The following DAB1 variants were observed in gnomAD, a reference collection of about 807,000 sequenced individuals.
DAB1 encodes DAB adaptor protein 1, also known as disabled homolog 1.
Under a neutral mutation model 64.6 loss-of-function variants are expected in DAB1, and 15 were observed. The ratio of observed to expected loss-of-function variants is 0.23; its 90% CI spans 0.16 to 0.36. DAB1 has a LOEUF of 0.36. Ranked by LOEUF, DAB1 falls within the 10% of genes least tolerant of loss-of-function variation. The probability of loss-of-function intolerance (pLI) is 1.00; values close to 1 mark genes in which losing one functional copy is unlikely to be tolerated. For synonymous variants in DAB1, 235 were observed against 251.9 expected (o/e 0.93, Z 0.64); for missense variants, 596 against 706.7 (o/e 0.84, Z 1.78).
intron 1 of DAB1, among the ~76,000 whole-genome samples, chr1:57,371,802 G>A (rs1680517884): frequency 6.6e-6 from 1 of 152,182 alleles, no homozygotes; most frequent in African/African-American, 2.4e-5. Context: ...TCAACCAGGG[G>A]CTACTTTACA....
chr1:57,220,031 T>A (rs894644074), intron 2 of DAB1, among the ~76,000 whole-genome samples: 7 of 152,174 alleles, frequency 4.6e-5, no homozygotes, highest in African/African-American at 1.7e-4. Flanking sequence ...TGAGGGAAGA[T>A]CTCACAAGGC....
chr1:57,296,742 G>C (rs1673225840), intron 1 of DAB1, among the ~76,000 whole-genome samples: 1 of 152,120 alleles, frequency 6.6e-6, no homozygotes, highest in Admixed American at 6.5e-5. Context: ...AAGAATGGAA[G>C]GCTGTCTTGC....
At chr1:57,263,184 C>T (rs1241172397) in intron 2 of DAB1, among the ~76,000 whole-genome samples, 4 of 151,456 alleles carry the variant, frequency 2.6e-5, no homozygotes, top group South Asian at 2.1e-4. Flanking sequence ...GGCACAATCT[C>T]GGCTCACTGC....
chr1:57,974,462 A>G (rs1303783808), intron 5 of DAB1, among the ~76,000 whole-genome samples: 2 of 152,128 alleles, frequency 1.3e-5, no homozygotes, highest in Admixed American at 6.6e-5. Context: ...AATTTAATGA[A>G]TGGCTCTCAA....
intron 6 of DAB1, among the ~76,000 whole-genome samples, chr1:57,675,351 A>G (rs924508716): frequency 9.9e-5 from 15 of 152,220 alleles, no homozygotes; most frequent in African/African-American, 3.6e-4. Flanking sequence ...CTAACATAGA[A>G]ACAGCACAGT....
At chr1:57,522,155 G>A (rs1644535616) in intron 7 of DAB1, among the ~76,000 whole-genome samples, 2 of 152,136 alleles carry the variant, frequency 1.3e-5, no homozygotes, top group Middle Eastern at 3.4e-3. Flanking sequence ...AGAAAGAGCT[G>A]GTATTTGGAG....
intron 7 of DAB1, among the ~76,000 whole-genome samples, chr1:57,630,396 C>G (rs1196344844): frequency 1.3e-5 from 2 of 152,154 alleles, no homozygotes; most frequent in African/African-American, 4.8e-5. Context: ...CGATAACCCT[C>G]ACCTCGGGAA....
At chr1:57,236,845 C>G (rs1668121702) in intron 2 of DAB1, among the ~76,000 whole-genome samples, 1 of 152,122 alleles carries the variant, frequency 6.6e-6, no homozygotes, top group Non-Finnish European at 1.5e-5. Flanking sequence ...CGAGAGAATG[C>G]GGAGGAGGCA....
intron 4 of DAB1, among the ~76,000 whole-genome samples, chr1:57,074,089 C>T (rs1408116283): frequency 2.0e-5 from 3 of 152,108 alleles, no homozygotes; most frequent in Non-Finnish European, 2.9e-5. Flanking sequence ...AGGCTGGTCT[C>T]AGACTCCTGG....
At position 58,384,720 on chromosome 1, in the gene DAB1, C is replaced by T. The variant is rs554413060; in HGVS notation, n.258-41317G>A. Among the ~76,000 whole-genome samples, 18 of 152,232 alleles carry T rather than the reference C, an allele frequency of 1.2e-4. No individual in the cohort carries two copies. The South Asian group carries it at 3.7e-3, about 32-fold the overall frequency. Reference sequence around the variant, plus strand: ...CAGCCTTCAGTCTGTGGCCAAAGGCCCAAAGGCCCCTGGAAAACCAGTGGT... The same window carrying T: ...CAGCCTTCAGTCTGTGGCCAAAGGCTCAAAGGCCCCTGGAAAACCAGTGGT... On this transcript the variant is annotated intron_variant and non_coding_transcript_variant, in intron 3 of 20. Transcript: ENST00000485760.
intron 5 of DAB1, chr1:58,150,394 C>T (rs567721181): frequency 1.3e-5 from 2 of 152,214 alleles, no homozygotes; most frequent in African/African-American, 4.8e-5. Context: ...TTTCACAGCT[C>T]TTTTCCATCC....
chr1:57,508,375 G>C (rs1173659909), intron 7 of DAB1, among the ~76,000 whole-genome samples: 1 of 152,172 alleles, frequency 6.6e-6, no homozygotes, highest in African/African-American at 2.4e-5. Flanking sequence ...AAAAGTATCT[G>C]TTGAATCAAA....
At chr1:58,481,766 T>C (rs902663419) in intron 3 of DAB1, among the ~76,000 whole-genome samples, 1 of 152,138 alleles carries the variant, frequency 6.6e-6, no homozygotes, top group African/African-American at 2.4e-5. Context: ...AGTGATTAAG[T>C]CTCACGAGAT....
chr1:58,493,465 G>A (rs1220608937), intron 3 of DAB1, among the ~76,000 whole-genome samples: 1 of 151,650 alleles, frequency 6.6e-6, no homozygotes, highest in Non-Finnish European at 1.5e-5. Context: ...TAGGAAAAGA[G>A]CAAGTCAAAT....
intron 6 of DAB1, among the ~76,000 whole-genome samples, chr1:57,707,920 C>T (rs556361448): frequency 7.9e-5 from 12 of 152,128 alleles, no homozygotes; most frequent in Admixed American, 3.3e-4. Context: ...GGAAGAATTC[C>T]CTGGGTTACC....
At chr1:57,136,863 G>C (rs1658171683) in intron 3 of DAB1, among the ~76,000 whole-genome samples, 1 of 152,110 alleles carries the variant, frequency 6.6e-6, no homozygotes, top group Non-Finnish European at 1.5e-5. Flanking sequence ...AGAAATATTT[G>C]AATGTTCACT....
rs568896363 is a variant in DAB1 at position 57,796,505 on chromosome 1, C to A, written n.551+87494G>T. Among the ~76,000 whole-genome samples the A allele has an allele frequency of 4.6e-5, 7 of 151,344 alleles. No homozygotes were observed. The South Asian group carries it at 1.5e-3, about 32-fold the overall frequency. On this transcript the variant is annotated intron_variant and non_coding_transcript_variant, in intron 6 of 20. Coordinates refer to the DAB1 transcript ENST00000485760. ...TCGTGCCGCTGCATTCCAGCCTGGG[C>A]GACAGAGCAAAACTCCGTCTCAATA...
At chr1:57,194,273 T>C (rs1383559891) in intron 2 of DAB1, among the ~76,000 whole-genome samples, 2 of 152,180 alleles carry the variant, frequency 1.3e-5, no homozygotes, top group Admixed American at 6.5e-5. Context: ...TGGAAATGCT[T>C]CTCAGAGCTG....
intron 12 of DAB1, 103 bp from the exon 13 acceptor site, chr1:57,011,375 G>T: frequency 7.5e-7 from 1 of 1,328,384 alleles, no homozygotes; most frequent in Admixed American, 2.2e-5. Flanking sequence ...TCAAATCTTA[G>T]GATTCCTCTT....
Sources: allele counts gnomAD v4.1 joint callset (sites outside exome capture counted in the v4.1 genomes callset), GRCh38; gene constraint gnomAD v4.1.1; transcripts MANE v1.5; gene names NCBI Gene and HGNC (gene_info 2026-07-23, HGNC 2026-07-21).